The following LRRCC1 variants were observed in gnomAD, a reference collection of about 807,000 sequenced individuals.
LRRCC1 encodes the protein leucine-rich repeat and coiled-coil domain-containing protein 1.
LRRCC1 carries 115 observed loss-of-function variants against 126.0 expected under a neutral mutation model. That is an observed-to-expected ratio of 0.91 (90% CI 0.78 to 1.07). The LOEUF is 1.07. Ranked by LOEUF, LRRCC1 falls within the 50% of genes least tolerant of loss-of-function variation. The pLI, the probability that LRRCC1 is intolerant of heterozygous loss-of-function variation, is 0.00. For missense variants in LRRCC1, 1,172 were observed against 1,175.7 expected (o/e 1.00, Z 0.05); for synonymous variants, 400 against 393.4 (o/e 1.02, Z -0.20).
intron 11 of LRRCC1, among the ~76,000 whole-genome samples, chr8:85,131,400 C>G (rs1025228626): frequency 6.6e-6 from 1 of 152,134 alleles, no homozygotes; most frequent in African/African-American, 2.4e-5. Context: ...ATTAACAAAC[C>G]ACCAGTGCTA....
Position 85,118,799 on chromosome 8 carries a change from C to G in LRRCC1, c.930+3215C>G, listed in dbSNP as rs1013879614. Among the ~76,000 whole-genome samples, 10 of 151,970 alleles carry G rather than the reference C, an allele frequency of 6.6e-5. No individual in the cohort carries two copies. The East Asian group carries it at 1.5e-3, about 23-fold the overall frequency. ...AATATATCTAGTGTGAATATTTTCT[C>G]CCTGTTTGTGGATCTCATATTCATT... On this transcript the variant is annotated intron_variant, in intron 6 of 18. Coordinates refer to ENST00000360375, the MANE Select transcript of LRRCC1 (RefSeq NM_033402.5).
chr8:85,144,469 TATATA>T lies in LRRCC1; in HGVS notation c.2977-919_2977-915del, dbSNP rs1563963618. Among the ~76,000 whole-genome samples, 25 of 19,878 alleles carry T rather than the reference TATATA, an allele frequency of 1.3e-3. 1 individual carries two copies. The highest frequency in any genetic ancestry group is 4.0e-3 in the South Asian group (3 of 748). 13.0% of individuals were successfully genotyped at this position (19,878 alleles called of 152,430 possible). On this transcript the variant is annotated intron_variant, in intron 18 of 18. Transcript: ENST00000360375. ...GTATATATATATATATATATATATA[TATATA>T]TTTTTTTTTTTTTTGAGATGGAGTT...
At position 85,138,322 on chromosome 8, in the gene LRRCC1, T is replaced by G. The variant is rs1257596605; in HGVS notation, c.2703-16T>G. On this transcript the variant is annotated splice_polypyrimidine_tract_variant and intron_variant, in intron 16 of 18. Coordinates refer to ENST00000360375, the MANE Select transcript of LRRCC1 (RefSeq NM_033402.5). ...TAATAAACCCAATTTATTTTTCAAA[T>G]TACTTCTCATATTAGTACACTGAAT... The G allele has an allele frequency of 6.3e-7, 1 of 1,588,068 alleles. No homozygotes were observed. Among genetic ancestry groups the G allele is most frequent in the Non-Finnish European group, 8.5e-7 (1 of 1,171,536 alleles).
intron 8 of LRRCC1, among the ~76,000 whole-genome samples, chr8:85,125,628 C>G (rs945131807): frequency 1.7e-4 from 23 of 135,290 alleles, no homozygotes; most frequent in Admixed American, 1.2e-3. Context: ...AGCCGAGATC[C>G]CGCCACTGCA....
intron 17 of LRRCC1, 35 bp from the exon 18 acceptor site, chr8:85,141,347 A>G (rs957852930): frequency 6.4e-7 from 1 of 1,568,436 alleles, no homozygotes; most frequent in Non-Finnish European, 8.7e-7. Context: ...CACCACATAT[A>G]CACATATATA....
chr8:85,112,298 G>A (rs908680048), intron 3 of LRRCC1, among the ~76,000 whole-genome samples: 3 of 152,116 alleles, frequency 2.0e-5, no homozygotes, highest in Admixed American at 6.5e-5. Context: ...ATGAACGTTC[G>A]TATGATTACA....
In LRRCC1 at chr8:85,134,980, C is replaced by T; in HGVS notation, c.2102C>T (p.Thr701Ile). 2 of 1,554,460 alleles carry T rather than the reference C, an allele frequency of 1.3e-6. No homozygotes were observed. Among genetic ancestry groups the T allele is most frequent in the Non-Finnish European group, 8.6e-7 (1 of 1,161,298 alleles). ...DLTCMVKEQK[T>I]KLAEVSKLKQ... ...ACCTGTATGGTAAAGGAACAAAAAA[C>T]AAAACTGGCAGAAGTTTCTAAATTG... Residue 701 changes from threonine to isoleucine, a missense_variant, in exon 13 of 19, where the codon ACA becomes ATA. Coordinates refer to ENST00000360375, the MANE Select transcript of LRRCC1 (RefSeq NM_033402.5).
At chr8:85,107,552 A>C in intron 1 of LRRCC1, 153 bp downstream of exon 1, 1 of 606,928 alleles carries the variant, frequency 1.6e-6, no homozygotes, top group Non-Finnish European at 2.7e-6. Context: ...GCTCCTCCAA[A>C]ACTTACCTGC....
rs1368026286 is a variant in LRRCC1, at chr8:85,123,508, A to C, written c.1026A>C (p.Glu342Asp). ...AAAGTGACTATGGAAACAGAAAAGA[A>C]TGCAATAGAAAAGTTCCTCGAAGAT... ...TSESDYGNRK[E>D]CNRKVPRRSK... The change falls in exon 7 of 19, where the codon GAA (glutamate) becomes GAC (aspartate). Residue 342 changes from glutamate (E) to aspartate (D), a missense_variant. By Grantham distance (45) the Glu-to-Asp change is conservative (BLOSUM62 2). Transcript: ENST00000360375. 6.2e-7 allele frequency: 1 copy of C among 1,611,782 alleles called. No homozygotes were observed. Among genetic ancestry groups the C allele is most frequent in the Non-Finnish European group, 8.5e-7 (1 of 1,178,988 alleles).
At chr8:85,139,488 A>G (rs1440514232) in intron 17 of LRRCC1, among the ~76,000 whole-genome samples, 1 of 151,662 alleles carries the variant, frequency 6.6e-6, no homozygotes, top group East Asian at 1.9e-4. Flanking sequence ...CTGGTCTCGA[A>G]CTCCTGACCT....
At chr8:85,137,986 T>C (rs1387672312) in intron 15 of LRRCC1, 49 bp from the exon 16 acceptor site, 4 of 888,556 alleles carry the variant, frequency 4.5e-6, no homozygotes, top group Non-Finnish European at 6.9e-6. Context: ...AACCAGAATA[T>C]GAAGCATTTA....
At chr8:85,129,516 G>A (rs1810282592) in intron 10 of LRRCC1, 137 bp downstream of exon 10, 7 of 699,704 alleles carry the variant, frequency 1.0e-5, no homozygotes, top group Non-Finnish European at 1.7e-5. Context: ...TTAATTTAAC[G>A]GTCACATAGC....
intron 3 of LRRCC1, among the ~76,000 whole-genome samples, chr8:85,110,454 A>G (rs1808618768): frequency 1.3e-5 from 2 of 152,226 alleles, no homozygotes; most frequent in Non-Finnish European, 2.9e-5. Flanking sequence ...ATTTTAGCCA[A>G]TTAATCAATG....
chr8:85,131,651 C>A, intron 11 of LRRCC1, 109 bp from the exon 12 acceptor site: 1 of 797,374 alleles, frequency 1.3e-6, no homozygotes, highest in Non-Finnish European at 2.0e-6. Context: ...GAGGCTGATA[C>A]TGAATTAACA....
intron 6 of LRRCC1, among the ~76,000 whole-genome samples, chr8:85,117,278 A>G (rs183873896): frequency 3.9e-4 from 59 of 152,314 alleles, no homozygotes; most frequent in Admixed American, 7.2e-4. Flanking sequence ...CTTATGTCCA[A>G]TCAAATTCTT....
At chr8:85,124,254 G>A (rs548472967) in intron 7 of LRRCC1, among the ~76,000 whole-genome samples, 61 of 152,014 alleles carry the variant, frequency 4.0e-4, no homozygotes, top group South Asian at 8.3e-4. Flanking sequence ...ATATTTTGTT[G>A]TTTTGTTGTT....
rs1809794882 is a variant in LRRCC1 at position 85,124,306 on chromosome 8, T to A, written c.1125-486T>A. ...CCTACCCAATTACATTTTACATGTATATATACCCACACACACAGAGGCATT... is the reference window on the plus strand; with the variant it reads ...CCTACCCAATTACATTTTACATGTAAATATACCCACACACACAGAGGCATT... On this transcript the variant is annotated intron_variant, in intron 7 of 18. Transcript: ENST00000360375. Among the ~76,000 whole-genome samples, 4 of 152,294 alleles carry A rather than the reference T, an allele frequency of 2.6e-5. No individual in the cohort carries two copies. The South Asian group carries it at 8.3e-4, about 32-fold the overall frequency.
At chr8:85,139,339 A>C (rs1443637502) in intron 17 of LRRCC1, among the ~76,000 whole-genome samples, 1 of 152,186 alleles carries the variant, frequency 6.6e-6, no homozygotes, top group Middle Eastern at 3.4e-3. Context: ...ATCTGGGCTC[A>C]CTGCAACTTC....
chr8:85,144,342 A>G (rs1332205680), intron 18 of LRRCC1, among the ~76,000 whole-genome samples: 2 of 151,494 alleles, frequency 1.3e-5, no homozygotes, highest in South Asian at 2.1e-4. Flanking sequence ...TGTCCTAGCT[A>G]TGATATATAG....
Sources: gnomAD v4.1 joint callset for allele counts (sites outside exome capture counted in the v4.1 genomes callset) on GRCh38, gnomAD v4.1.1 for gene constraint, MANE v1.5 for transcripts, NCBI Gene and HGNC (gene_info 2026-07-23, HGNC 2026-07-21) for gene names.